Variants in TCP11 observed in about 807,000 individuals in gnomAD.
The protein encoded by TCP11 is t-complex 11.
A neutral mutation model predicts 45.0 loss-of-function variants in TCP11; 34 were observed. The observed-to-expected ratio is 0.76, with a 90% CI of 0.57 to 1.01. The LOEUF (loss-of-function observed/expected upper bound fraction) is 1.01, where lower values mean the gene tolerates loss of function less well. TCP11 is among the 50% of genes least tolerant of loss of function. TCP11 has a pLI of 0.00. For synonymous variants in TCP11, 227 were observed against 227.0 expected, an observed-to-expected ratio of 1.00 and a Z score of 0.00; for missense variants, 523 against 598.1, an observed-to-expected ratio of 0.87 and a Z score of 1.31.
intron 2 of TCP11, chr6:35,140,012 C>T (rs1464201802): frequency 1.2e-6 from 2 of 1,613,392 alleles, no homozygotes; most frequent in Non-Finnish European, 1.7e-6. Context: ...ACGGATTTTT[C>T]ATCCTACCTC....
intron 2 of TCP11, 75 bp downstream of exon 2, chr6:35,140,672 G>T (rs1325424926): frequency 2.6e-6 from 2 of 756,836 alleles, no homozygotes; most frequent in Admixed American, 4.1e-5. Flanking sequence ...GAAAACTTGG[G>T]GGATGGGGGG....
At position 35,118,390 on chromosome 6, in the gene TCP11, C is replaced by T. The variant is rs967756304; in HGVS notation, c.1391G>A (p.Gly464Asp). 2.0e-5 allele frequency: 33 copies of T among 1,613,978 alleles called. No homozygotes were observed. Among genetic ancestry groups the T allele is most frequent in the East Asian group, 2.0e-4 (9 of 44,894 alleles). The change falls in exon 10 of 10, where the codon GGC becomes GAC. Residue 464 changes from glycine to aspartate, a missense_variant. Around this residue, in one of 2 missense-constraint regions of TCP11, gnomAD observed 298 missense variants for 387.9 expected, o/e 0.77. Coordinates refer to ENST00000311875, the MANE Select transcript of TCP11 (RefSeq NM_001370687.1). The part of the protein sequence containing the change: ...TLIEAELAEL[G>D]QKFVNLTHHN... ...ATGTGTCAAGTTGACAAACTTTTGG[C>T]CCAGTTCTGCCAGTTCTGCTTCAAT...
intron 4 of TCP11, 111 bp from the exon 5 acceptor site, chr6:35,122,448 G>A: frequency 1.0e-6 from 1 of 964,526 alleles, no homozygotes; most frequent in South Asian, 1.7e-5. Flanking sequence ...TAAGGATCAA[G>A]AAGTTGGGTC....
intron 4 of TCP11, among the ~76,000 whole-genome samples, chr6:35,128,108 C>T (rs568938391): frequency 5.3e-4 from 81 of 152,304 alleles, no homozygotes; most frequent in Admixed American, 1.2e-3. Context: ...GAAGTACAGA[C>T]GCAGTTTAGC....
At position 35,141,205 on chromosome 6, in the gene TCP11, C is replaced by T; in HGVS notation, c.-15G>A. 1.4e-6 allele frequency: 2 copies of T among 1,405,942 alleles called. No homozygotes were observed. Among genetic ancestry groups the T allele is most frequent in the Non-Finnish European group, 9.2e-7 (1 of 1,082,396 alleles). The allele number at this position is 1,405,942 out of a possible 1,614,324, so 87.1% of individuals were successfully genotyped here. On this transcript the variant is annotated splice_region_variant and 5_prime_UTR_variant, in exon 1 of 10. Coordinates refer to ENST00000311875, the MANE Select transcript of TCP11 (RefSeq NM_001370687.1). The stretch of plus-strand genomic sequence containing the variant: ...CCGCCTCCGGCTCCCAGGCCGTCAC[C>T]TCCTCCTCCCCCGCCGCGGGTCATC...
chr6:35,120,316 G>C lies in TCP11; in HGVS notation c.958C>G (p.Leu320Val). ...PETLLMDRTR[L>V]QELKSQLHQL... ...TGCAACTGGGACTTCAGCTCCTGCA[G>C]CCGGGTTCTGTCCATCAGCAGGGTC... The change falls in exon 8 of 10, where the codon CTG (leucine) becomes GTG (valine). Residue 320 changes from leucine (L) to valine (V), a missense_variant. Leu to Val is a conservative substitution (Grantham distance 32). Around this residue, in one of 2 missense-constraint regions of TCP11, gnomAD observed 298 missense variants for 387.9 expected, o/e 0.77. Transcript: ENST00000311875. The surrounding 1 kb of genome is among the most constrained non-coding windows in gnomAD (Gnocchi z 4.9). 1 of 1,614,108 alleles carries C rather than the reference G, an allele frequency of 6.2e-7. No homozygotes were observed. The highest frequency in any genetic ancestry group is 8.5e-7 in the Non-Finnish European group (1 of 1,179,942).
At chr6:35,122,053 TG>T in intron 5 of TCP11, 63 bp downstream of exon 5, 1 of 1,524,520 alleles carries the variant, frequency 6.6e-7, no homozygotes. Context: ...AATCTAGGTC[TG>T]GCCCAGCTTT....
intron 3 of TCP11, among the ~76,000 whole-genome samples, chr6:35,135,008 G>A (rs756262980): frequency 2.6e-5 from 4 of 152,124 alleles, no homozygotes; most frequent in African/African-American, 9.7e-5. Flanking sequence ...TTAGCTAGGC[G>A]TGGTGGTGCA....
intron 4 of TCP11, among the ~76,000 whole-genome samples, chr6:35,125,096 A>T (rs1226400365): frequency 6.6e-5 from 10 of 151,096 alleles, no homozygotes. Context: ...GAGGTGGGAG[A>T]ATAGCTTGAA....
chr6:35,118,481 GA>G lies in TCP11; in HGVS notation c.1299del (p.Leu434SerfsTer14). ...ACACCAAGAACCAAACAGCATTTGAGAAACAAATGGATCCGCTGATCTGTGA... is the reference window on the plus strand; with the variant it reads ...ACACCAAGAACCAAACAGCATTTGAGAACAAATGGATCCGCTGATCTGTGA... ...CSVIDQRIHL[F>X]LKCCLVLGVQ... On this transcript the variant is annotated frameshift_variant, in exon 10 of 10. Transcript: ENST00000311875. LOFTEE classifies it high-confidence loss of function. 6.2e-7 allele frequency: 1 copy of G among 1,613,990 alleles called. No homozygotes were observed. The highest frequency in any genetic ancestry group is 1.1e-5 in the South Asian group (1 of 91,046).
rs56010838 is a variant in TCP11, at chr6:35,126,650, C to CTTT, written c.357+2409_357+2411dup. Reference sequence around the variant, plus strand: ...TGCAATATATGCTTTGAATCAAAGACTTTTTTTTTTTTTTTTTTTTTTTTT... The same window carrying CTTT: ...TGCAATATATGCTTTGAATCAAAGACTTTTTTTTTTTTTTTTTTTTTTTTTTTT... On this transcript the variant is annotated intron_variant, in intron 4 of 9. Coordinates refer to ENST00000311875, the MANE Select transcript of TCP11 (RefSeq NM_001370687.1). 5.7e-4 allele frequency among the ~76,000 whole-genome samples: 38 copies of CTTT among 66,884 alleles called. 2 individuals carry two copies. The highest frequency in any genetic ancestry group is 8.3e-4 in the African/African-American group (14 of 16,850). 43.9% of individuals were successfully genotyped at this position (66,884 alleles called of 152,430 possible).
intron 4 of TCP11, chr6:35,128,445 A>G (rs1419779506): frequency 6.6e-6 from 1 of 152,256 alleles, no homozygotes; most frequent in Non-Finnish European, 1.5e-5. Flanking sequence ...ACATGATGAA[A>G]TGTAATCATG....
chr6:35,124,717 C>T (rs1779629977), intron 4 of TCP11, among the ~76,000 whole-genome samples: 1 of 152,048 alleles, frequency 6.6e-6, no homozygotes, highest in Admixed American at 6.5e-5. Flanking sequence ...TTTTCAACAA[C>T]AATGCCAAGA....
chr6:35,128,975 T>C (rs1242112647), intron 4 of TCP11, 87 bp downstream of exon 4: 3 of 1,525,562 alleles, frequency 2.0e-6, no homozygotes, highest in African/African-American at 1.4e-5. Context: ...TCATGGACCA[T>C]GTTCAGTTAA....
chr6:35,132,805 A>AT (rs1442013342), intron 3 of TCP11, among the ~76,000 whole-genome samples: 1 of 151,630 alleles, frequency 6.6e-6, no homozygotes, highest in Non-Finnish European at 1.5e-5. Context: ...TACGCCTGCA[A>AT]CTCCCTCACC....
Position 35,129,122 on chromosome 6 carries a change from T to C in TCP11, c.297A>G (p.Gln99=), listed in dbSNP as rs1780138268. ...HNAFWDHLKE[Q]LSATPPDFSC... ...TGAAGTCAGGGGGAGTTGCTGATAG[T>C]TGCTCTTTAAGATGGTCCCAAAAGG... is the stretch of plus-strand genomic sequence containing the variant. Residue 99 remains glutamine, a synonymous_variant, in exon 4 of 10, where the codon CAA becomes CAG. Transcript: ENST00000311875. 1 of 1,614,184 alleles carries C rather than the reference T, an allele frequency of 6.2e-7. No homozygotes were observed. Among genetic ancestry groups the C allele is most frequent in the Non-Finnish European group, 8.5e-7 (1 of 1,180,016 alleles).
chr6:35,127,325 C>G (rs574079908), intron 4 of TCP11, among the ~76,000 whole-genome samples: 1 of 152,272 alleles, frequency 6.6e-6, no homozygotes, highest in South Asian at 2.1e-4. Context: ...TGAGTTGCCT[C>G]TTAGTACTTC....
intron 2 of TCP11, chr6:35,139,995 C>CAAAA (rs762234129): frequency 1.2e-5 from 20 of 1,612,840 alleles, no homozygotes; most frequent in Non-Finnish European, 1.7e-5. Context: ...ATTGTGTGTA[C>CAAAA]AAAAAAACGG....
At chr6:35,138,656 A>G (rs1431812663) in intron 2 of TCP11, among the ~76,000 whole-genome samples, 1 of 152,204 alleles carries the variant, frequency 6.6e-6, no homozygotes, top group Non-Finnish European at 1.5e-5. Context: ...AATAGAATGA[A>G]TAAGATCTAG....
Sources: allele counts gnomAD v4.1 joint callset (sites outside exome capture counted in the v4.1 genomes callset), GRCh38; gene constraint gnomAD v4.1.1; regional missense constraint gnomAD v4.1.1; non-coding constraint Gnocchi (gnomAD v3.1); transcripts MANE v1.5; gene names NCBI Gene and HGNC (gene_info 2026-07-23, HGNC 2026-07-21).